ANXA8: variants seen among roughly 807,000 people sequenced by gnomAD.
ANXA8 encodes the protein VAC-beta.
In ANXA8, 9 loss-of-function variants were observed where a neutral mutation model predicts 26.8. The ratio of observed to expected loss-of-function variants is 0.34; its 90% CI spans 0.20 to 0.59. ANXA8 has a LOEUF of 0.59. Ranked by LOEUF, ANXA8 falls within the 20% of genes least tolerant of loss-of-function variation. ANXA8 has a pLI of 0.84. For synonymous variants in ANXA8, 39 were observed against 94.8 expected (o/e 0.41, Z 3.42); for missense variants, 83 against 238.5 (o/e 0.35, Z 4.29).
the ANXA8 span, among the ~76,000 whole-genome samples, chr10:47,530,397 G>A: frequency 1.9e-4 from 28 of 149,180 alleles, 1 homozygote; most frequent in African/African-American, 6.0e-4. Flanking sequence ...TCTCTTAAGA[G>A]AATAAACAGG....
chr10:47,767,396 C>T, the ANXA8 span, among the ~76,000 whole-genome samples: 1 of 152,240 alleles, frequency 6.6e-6, no homozygotes, highest in Non-Finnish European at 1.5e-5. Context: ...TCTCCTCCTG[C>T]AGACAGTCAC....
At chr10:47,557,778 A>T in the ANXA8 span, among the ~76,000 whole-genome samples, 4 of 95,316 alleles carry the variant, frequency 4.2e-5, no homozygotes, top group African/African-American at 8.3e-5. Flanking sequence ...GATTAATTAT[A>T]AAAAAAAAAC....
At chr10:47,971,376 A>G in the ANXA8 span, among the ~76,000 whole-genome samples, 6 of 150,774 alleles carry the variant, frequency 4.0e-5, no homozygotes, top group East Asian at 5.8e-4. Flanking sequence ...CTTTTTTCCA[A>G]CTGAAGACAT....
At chr10:47,565,582 G>C in the ANXA8 span, 1 of 290,900 alleles carries the variant, frequency 3.4e-6, no homozygotes, top group Non-Finnish European at 6.2e-6. Flanking sequence ...CGGACGCCGC[G>C]CCCAGGCACG....
At chr10:47,671,698 C>T in the ANXA8 span, among the ~76,000 whole-genome samples, 6 of 151,696 alleles carry the variant, frequency 4.0e-5, no homozygotes, top group African/African-American at 1.5e-4. Context: ...TGCCAAAGGT[C>T]ACATAGTTGG....
chr10:47,528,073 T>G, the ANXA8 span, among the ~76,000 whole-genome samples: 1 of 139,954 alleles, frequency 7.1e-6, no homozygotes, highest in Non-Finnish European at 1.5e-5. Context: ...ACCTTTATTT[T>G]AACAGAATGT....
the ANXA8 span, among the ~76,000 whole-genome samples, chr10:47,668,505 C>CATTT: frequency 6.6e-6 from 1 of 151,256 alleles, no homozygotes; most frequent in African/African-American, 2.4e-5. Flanking sequence ...AAGCGCCAAG[C>CATTT]ATTTCTCTTG....
chr10:47,702,887 G>A, the ANXA8 span, among the ~76,000 whole-genome samples: 4 of 149,956 alleles, frequency 2.7e-5, 1 homozygote, highest in Middle Eastern at 0.014. Flanking sequence ...ACCCATCTTG[G>A]CCTCCCAAAA....
the ANXA8 span, among the ~76,000 whole-genome samples, chr10:47,557,584 C>T: frequency 2.8e-4 from 42 of 150,638 alleles, no homozygotes; most frequent in Admixed American, 2.7e-3. Context: ...TGTTCTGAGG[C>T]CTTTTTGCTT....
the ANXA8 span, among the ~76,000 whole-genome samples, chr10:47,720,985 A>C: frequency 2.8e-5 from 3 of 107,968 alleles, no homozygotes; most frequent in African/African-American, 1.2e-4. Context: ...CATCTCTACC[A>C]AAAAAAAAAA....
chr10:47,651,754 C>T, the ANXA8 span, among the ~76,000 whole-genome samples: 1 of 151,848 alleles, frequency 6.6e-6, no homozygotes, highest in Non-Finnish European at 1.5e-5. Flanking sequence ...ATTAGCCGAA[C>T]ATGGTGGCTT....
chr10:47,565,622 G>T, the ANXA8 span: 23 of 319,618 alleles, frequency 7.2e-5, no homozygotes, highest in Non-Finnish European at 6.2e-5. Flanking sequence ...CCCCGCGCGC[G>T]GCCTGAACTT....
chr10:47,610,672 T>C, the ANXA8 span, among the ~76,000 whole-genome samples: 1 of 149,776 alleles, frequency 6.7e-6, no homozygotes, highest in African/African-American at 2.5e-5. Context: ...CAAAGTTGAC[T>C]ATACCTGTGG....
chr10:47,942,787 G>A, the ANXA8 span, among the ~76,000 whole-genome samples: 32 of 145,414 alleles, frequency 2.2e-4, 2 homozygotes, highest in South Asian at 4.3e-3. Flanking sequence ...TATCGCTGTC[G>A]CTGAGATGGT....
the ANXA8 span, among the ~76,000 whole-genome samples, chr10:47,587,773 G>C: frequency 6.8e-6 from 1 of 146,586 alleles, no homozygotes; most frequent in East Asian, 1.9e-4. Context: ...CAGTGTCAGT[G>C]TGCTGGGAAG....
the ANXA8 span, among the ~76,000 whole-genome samples, chr10:47,589,893 G>A: frequency 3.1e-5 from 4 of 129,558 alleles, no homozygotes; most frequent in Non-Finnish European, 6.1e-5. Flanking sequence ...GAAGGGGAAA[G>A]ATAGATAGAT....
chr10:47,566,080 T>C, the ANXA8 span: 1 of 499,122 alleles, frequency 2.0e-6, no homozygotes, highest in Middle Eastern at 5.5e-4. Context: ...ATATATTATA[T>C]ATAATGCAAA....
the ANXA8 span, among the ~76,000 whole-genome samples, chr10:47,679,834 C>T: frequency 5.9e-5 from 9 of 151,830 alleles, no homozygotes; most frequent in African/African-American, 7.3e-5. Flanking sequence ...GGGAGGATTG[C>T]TTGAGCTTGG....
At chr10:47,724,990 T>G in the ANXA8 span, among the ~76,000 whole-genome samples, 1 of 127,524 alleles carries the variant, frequency 7.8e-6, no homozygotes, top group Non-Finnish European at 1.7e-5. Context: ...CCATCCATGT[T>G]GTAGCATGTA....
Sources: gnomAD v4.1 joint callset for allele counts (sites outside exome capture counted in the v4.1 genomes callset) on GRCh38, gnomAD v4.1.1 for gene constraint, MANE v1.5 for transcripts, NCBI Gene and HGNC (gene_info 2026-07-23, HGNC 2026-07-21) for gene names.